MSN: variants seen among roughly 807,000 people sequenced by gnomAD.
MSN encodes the protein moesin.
Under a neutral mutation model 48.0 loss-of-function variants are expected in MSN, and 2 were observed. That is an observed-to-expected ratio of 0.04 (90% CI 0.02 to 0.13). MSN has a LOEUF of 0.13. Among genes scored for constraint, MSN ranks in the 10% least tolerant of loss-of-function variants. The pLI is 1.00. For missense variants in MSN, 267 were observed against 470.1 expected (o/e 0.57, Z 3.99); for synonymous variants, 146 against 166.9 (o/e 0.87, Z 0.97).
chrX:65,604,300 G>A (rs2070260688), intron 1 of MSN, among the ~76,000 whole-genome samples: 1 of 112,015 alleles, frequency 8.9e-6, no homozygotes, highest in South Asian at 3.7e-4. Context: ...GGTGCACGTG[G>A]GATGTCCAGA....
rs1342258138 is a variant in MSN at position 65,610,053 on chromosome X, G to A, written c.-22+21441G>A. ...CATAAGAATTATATTTATTGTACCC[G>A]TTATTACCATTTTTTCCTTTTTGGT... On this transcript the variant is annotated intron_variant, in intron 1 of 3. Transcript: ENST00000609672. 6.3e-5 allele frequency among the ~76,000 whole-genome samples: 7 copies of A among 111,766 alleles called. No individual in the cohort carries two copies. The South Asian group carries it at 1.1e-3, about 18-fold the overall frequency.
intron 1 of MSN, among the ~76,000 whole-genome samples, chrX:65,618,816 A>G (rs1025507434): frequency 3.6e-5 from 4 of 111,093 alleles, no homozygotes; most frequent in Non-Finnish European, 5.7e-5. Flanking sequence ...TGGTCTTTAT[A>G]TTTTGGCATG....
chrX:65,729,686 G>C lies in MSN; in HGVS notation c.441G>C (p.Leu147=). ...FNKEVHKSGY[L]AGDKLLPQRV... ...AGGAAGTGCATAAGTCTGGCTACCT[G>C]GCCGGAGACAAGTTGCTCCCGCAGA... Residue 147 remains leucine (L), a synonymous_variant, in exon 4 of 13, where the codon CTG becomes CTC. Coordinates refer to ENST00000360270, the MANE Select transcript of MSN (RefSeq NM_002444.3). 8.3e-7 allele frequency: 1 copy of C among 1,210,910 alleles called. No individual in the cohort carries two copies.
rs139322345 is a variant in MSN at position 65,705,467 on chromosome X, G to T, written c.13-11351G>T. On this transcript the variant is annotated intron_variant, in intron 1 of 12. Coordinates refer to ENST00000360270, the MANE Select transcript of MSN (RefSeq NM_002444.3). ...ATTTTGAAAGTAAGAACTGAAGTTAGGTTCAGACACTAAGCAGATGGTTTT... is the reference window on the plus strand; with the variant it reads ...ATTTTGAAAGTAAGAACTGAAGTTATGTTCAGACACTAAGCAGATGGTTTT... Among the ~76,000 whole-genome samples the T allele has an allele frequency of 5.8e-4, 65 of 111,876 alleles. No homozygotes were observed. In the East Asian group the frequency reaches 0.017, roughly 30 times the overall value.
At chrX:65,606,083 C>A (rs1224088830) in intron 1 of MSN, among the ~76,000 whole-genome samples, 3 of 108,575 alleles carry the variant, frequency 2.8e-5, no homozygotes, top group African/African-American at 1.0e-4. Flanking sequence ...ACTGGGTCTA[C>A]AAGTATGCAC....
intron 1 of MSN, among the ~76,000 whole-genome samples, chrX:65,603,765 A>G (rs2070256351): frequency 8.9e-6 from 1 of 111,838 alleles, no homozygotes; most frequent in Admixed American, 9.5e-5. Flanking sequence ...CATATCTACC[A>G]TTATGTTCAA....
At chrX:65,727,316 T>G (rs1459223878) in intron 2 of MSN, among the ~76,000 whole-genome samples, 1 of 111,686 alleles carries the variant, frequency 9.0e-6, no homozygotes, top group African/African-American at 3.3e-5. Context: ...ATCTCCACCT[T>G]CAGCCTTTAA....
intron 1 of MSN, among the ~76,000 whole-genome samples, chrX:65,688,393 T>C (rs1438493311): frequency 4.5e-5 from 5 of 111,797 alleles, no homozygotes; most frequent in Non-Finnish European, 9.4e-5. Context: ...TTATTATCTT[T>C]ACTTTTACAT....
chrX:65,642,459 T>C (rs2070664638), intron 1 of MSN, among the ~76,000 whole-genome samples: 1 of 109,582 alleles, frequency 9.1e-6, no homozygotes, highest in African/African-American at 3.3e-5. Flanking sequence ...TCCGCCAGGG[T>C]CCAGGTTTGG....
chrX:65,655,925 C>A (rs1376100971), intron 1 of MSN, among the ~76,000 whole-genome samples: 8 of 111,122 alleles, frequency 7.2e-5, no homozygotes, highest in Admixed American at 2.9e-4. Context: ...TGCCATCATG[C>A]CTGGCTAATT....
intron 1 of MSN, among the ~76,000 whole-genome samples, chrX:65,619,230 A>G (rs1484826816): frequency 9.7e-6 from 1 of 102,835 alleles, no homozygotes; most frequent in East Asian, 2.9e-4. Flanking sequence ...CATTCTCTGT[A>G]TTTCCTGAAT....
At chrX:65,611,166 T>TTTC (rs1399473435) in intron 1 of MSN, among the ~76,000 whole-genome samples, 1 of 82,841 alleles carries the variant, frequency 1.2e-5, no homozygotes, top group Non-Finnish European at 2.0e-5. Flanking sequence ...TCTTTCTTTC[T>TTTC]ATTTTTTTTT....
At chrX:65,629,878 C>A (rs1276858968) in intron 1 of MSN, among the ~76,000 whole-genome samples, 1 of 111,782 alleles carries the variant, frequency 8.9e-6, no homozygotes, top group Non-Finnish European at 1.9e-5. Context: ...GGAATTCAGT[C>A]TTTTAAAGTG....
intron 2 of MSN, among the ~76,000 whole-genome samples, chrX:65,725,372 T>C (rs966896817): frequency 9.0e-6 from 1 of 111,664 alleles, no homozygotes; most frequent in African/African-American, 3.3e-5. Context: ...ATGGTCCATC[T>C]TCTTCTCTTC....
At chrX:65,622,365 G>T (rs1478202820) in intron 1 of MSN, among the ~76,000 whole-genome samples, 1 of 110,115 alleles carries the variant, frequency 9.1e-6, no homozygotes, top group Non-Finnish European at 1.9e-5. Flanking sequence ...CTCCCAAACT[G>T]CTGGGATTAC....
chrX:65,595,127 CCT>C (rs2070177117), intron 1 of MSN, among the ~76,000 whole-genome samples: 1 of 112,177 alleles, frequency 8.9e-6, no homozygotes, highest in East Asian at 2.8e-4. Context: ...TAAGGTCACT[CCT>C]TTTTTCTGCC....
intron 1 of MSN, among the ~76,000 whole-genome samples, chrX:65,669,311 G>A (rs752497856): frequency 9.0e-6 from 1 of 110,992 alleles, no homozygotes; most frequent in Non-Finnish European, 1.9e-5. Context: ...GTCTCTCTCT[G>A]TGGTTGACTC....
At chrX:65,636,976 G>A (rs1480817549) in intron 1 of MSN, among the ~76,000 whole-genome samples, 2 of 104,237 alleles carry the variant, frequency 1.9e-5, no homozygotes, top group South Asian at 4.3e-4. Context: ...CCTGTAGTCC[G>A]CTACTCGGGA....
intron 2 of MSN, among the ~76,000 whole-genome samples, chrX:65,724,005 C>T (rs773200437): frequency 1.8e-5 from 2 of 109,640 alleles, no homozygotes; most frequent in South Asian, 7.9e-4. Flanking sequence ...AGAGATCACC[C>T]TCCCTCCCCC....
Sources: allele counts gnomAD v4.1 joint callset (sites outside exome capture counted in the v4.1 genomes callset), GRCh38; gene constraint gnomAD v4.1.1; transcripts MANE v1.5; gene names NCBI Gene and HGNC (gene_info 2026-07-23, HGNC 2026-07-21).